PCGF6: variants seen among roughly 807,000 people sequenced by gnomAD.
PCGF6 encodes the protein polycomb group RING finger protein 6.
PCGF6 carries 24 observed loss-of-function variants against 45.5 expected under a neutral mutation model. The observed-to-expected ratio is 0.53, with a 90% CI of 0.38 to 0.74. The LOEUF is 0.74. PCGF6 is among the 30% of genes least tolerant of loss of function. The pLI is 0.00. For synonymous variants in PCGF6, 152 were observed against 162.1 expected, an observed-to-expected ratio of 0.94 and a Z score of 0.47; for missense variants, 356 against 443.2, an observed-to-expected ratio of 0.80 and a Z score of 1.77.
At chr10:103,342,024 C>T (rs1398893369) in intron 6 of PCGF6, among the ~76,000 whole-genome samples, 1 of 151,858 alleles carries the variant, frequency 6.6e-6, no homozygotes, top group African/African-American at 2.4e-5. Flanking sequence ...CAACGTCCAC[C>T]TCCCAATTCA....
intron 9 of PCGF6, among the ~76,000 whole-genome samples, chr10:103,309,708 T>C (rs370883260): frequency 3.3e-5 from 5 of 152,110 alleles, no homozygotes; most frequent in East Asian, 3.9e-4. Flanking sequence ...AGATGGCTGA[T>C]TGCTTGATCT....
intron 8 of PCGF6, among the ~76,000 whole-genome samples, chr10:103,317,050 G>A (rs1361746287): frequency 1.3e-5 from 2 of 151,872 alleles, no homozygotes; most frequent in Non-Finnish European, 2.9e-5. Context: ...TCACTCTGTC[G>A]CCCAGGCTGG....
chr10:103,344,904 GT>G, intron 6 of PCGF6, 119 bp downstream of exon 6: 2 of 660,480 alleles, frequency 3.0e-6, no homozygotes, highest in Non-Finnish European at 2.6e-6. Context: ...CTAATATTCA[GT>G]TATTTCATAA....
chr10:103,316,013 TA>T (rs2093174875), intron 8 of PCGF6, among the ~76,000 whole-genome samples: 1 of 119,502 alleles, frequency 8.4e-6, no homozygotes, highest in African/African-American at 3.2e-5. Flanking sequence ...TATATATATA[TA>T]GAGAGAGAGA....
intron 7 of PCGF6, among the ~76,000 whole-genome samples, chr10:103,330,341 C>T (rs1334873491): frequency 6.6e-6 from 1 of 152,052 alleles, no homozygotes; most frequent in Non-Finnish European, 1.5e-5. Context: ...TCCTAAAGTG[C>T]TGGGATTACA....
At chr10:103,322,056 C>T (rs1477035909) in intron 8 of PCGF6, among the ~76,000 whole-genome samples, 2 of 151,824 alleles carry the variant, frequency 1.3e-5, no homozygotes, top group African/African-American at 2.4e-5. Context: ...CCACCACACC[C>T]GGCTAATGTT....
At chr10:103,343,814 CAG>C (rs1265556855) in intron 6 of PCGF6, among the ~76,000 whole-genome samples, 2 of 107,704 alleles carry the variant, frequency 1.9e-5, no homozygotes, top group Non-Finnish European at 3.6e-5. Flanking sequence ...GCCTGGGCGA[CAG>C]AGTAAAACTC....
At chr10:103,332,659 C>T (rs1307542598) in intron 7 of PCGF6, among the ~76,000 whole-genome samples, 2 of 152,120 alleles carry the variant, frequency 1.3e-5, no homozygotes, top group Admixed American at 6.6e-5. Context: ...ATTAGACAGG[C>T]GTCTTCAGGG....
intron 6 of PCGF6, among the ~76,000 whole-genome samples, chr10:103,337,925 G>A (rs544782759): frequency 5.4e-5 from 6 of 110,544 alleles, no homozygotes; most frequent in Non-Finnish European, 9.7e-5. Flanking sequence ...TTAGCCGGGC[G>A]TAGTGGTGGG....
chr10:103,308,543 A>G (rs2093145523), intron 9 of PCGF6, among the ~76,000 whole-genome samples: 1 of 151,716 alleles, frequency 6.6e-6, no homozygotes, highest in Admixed American at 6.6e-5. Context: ...GGATTACAGT[A>G]GTGCACCACC....
chr10:103,339,806 AAAAAACAC>A lies in PCGF6; in HGVS notation c.782+5210_782+5217del, dbSNP rs1394328141. Among the ~76,000 whole-genome samples, 542 of 71,204 alleles carry A rather than the reference AAAAAACAC, an allele frequency of 7.6e-3. 16 individuals carry two copies. Among genetic ancestry groups the A allele is most frequent in the South Asian group, 0.013 (32 of 2,486 alleles). 46.7% of individuals were successfully genotyped at this position (71,204 alleles called of 152,430 possible). ...AAGCGAAATTCTGTCTGTCTCAAAA[AAAAAACAC>A]ACACACACACACACACACACACACA... On this transcript the variant is annotated intron_variant, in intron 6 of 9. Coordinates refer to ENST00000369847, the MANE Select transcript of PCGF6 (RefSeq NM_001011663.2).
At position 103,309,015 on chromosome 10, in the gene PCGF6, C is replaced by T. The variant is rs1338288079; in HGVS notation, c.997-5054G>A. ...GAGTTATTTGCCCAATGTTTATACCCCCATTGTATCTTGGAAGTAACTAAC... is the reference window on the plus strand; with the variant it reads ...GAGTTATTTGCCCAATGTTTATACCTCCATTGTATCTTGGAAGTAACTAAC... On this transcript the variant is annotated intron_variant, in intron 9 of 9. Coordinates refer to ENST00000369847, the MANE Select transcript of PCGF6 (RefSeq NM_001011663.2). 5.3e-5 allele frequency among the ~76,000 whole-genome samples: 8 copies of T among 152,224 alleles called. No individual in the cohort carries two copies. In the East Asian group the frequency reaches 1.5e-3, roughly 29 times the overall value.
chr10:103,322,900 A>AC (rs1158737018), intron 8 of PCGF6, among the ~76,000 whole-genome samples: 166 of 151,678 alleles, frequency 1.1e-3, no homozygotes, highest in Middle Eastern at 3.4e-3. Context: ...AAAAAACAAA[A>AC]AACAAAAAAA....
intron 8 of PCGF6, among the ~76,000 whole-genome samples, chr10:103,319,823 T>C (rs571323268): frequency 7.2e-5 from 11 of 152,290 alleles, no homozygotes; most frequent in Non-Finnish European, 1.5e-4. Context: ...CCTAACTTTT[T>C]TGAGATGGAG....
chr10:103,309,201 G>A (rs1200813035), intron 9 of PCGF6, among the ~76,000 whole-genome samples: 1 of 151,922 alleles, frequency 6.6e-6, no homozygotes, highest in Non-Finnish European at 1.5e-5. Flanking sequence ...TTTGGTGGGG[G>A]GGGGGCATGA....
chr10:103,343,223 C>T (rs1441547036), intron 6 of PCGF6, among the ~76,000 whole-genome samples: 2 of 151,736 alleles, frequency 1.3e-5, no homozygotes, highest in African/African-American at 2.4e-5. Flanking sequence ...CCACCGCGCC[C>T]GGCCTTAGGG....
At position 103,327,129 on chromosome 10, in the gene PCGF6, A is replaced by G. The variant is rs141329235; in HGVS notation, c.811-497T>C. Among the ~76,000 whole-genome samples, 176 of 152,242 alleles carry G rather than the reference A, an allele frequency of 1.2e-3. 6 individuals are homozygous for G. In the East Asian group the frequency reaches 0.031, roughly 27 times the overall value. Reference sequence around the variant, plus strand: ...TGGAGAAACCCCGTCTCTACTAAAAATACAAATTAGCTGGGCAAGGTGGCA... The same window carrying G: ...TGGAGAAACCCCGTCTCTACTAAAAGTACAAATTAGCTGGGCAAGGTGGCA... On this transcript the variant is annotated intron_variant, in intron 7 of 9. Transcript: ENST00000369847.
Position 103,339,809 on chromosome 10 carries a change from AAAC to A in PCGF6, c.782+5212_782+5214del, listed in dbSNP as rs1317754806. ...CGAAATTCTGTCTGTCTCAAAAAAA[AAAC>A]ACACACACACACACACACACACACA... On this transcript the variant is annotated intron_variant, in intron 6 of 9. Coordinates refer to ENST00000369847, the MANE Select transcript of PCGF6 (RefSeq NM_001011663.2). Among the ~76,000 whole-genome samples, 232 of 38,688 alleles carry A rather than the reference AAAC, an allele frequency of 6.0e-3. 12 individuals are homozygous for A. The highest frequency in any genetic ancestry group is 0.019 in the East Asian group (21 of 1,086). 25.4% of individuals were successfully genotyped at this position (38,688 alleles called of 152,430 possible).
intron 7 of PCGF6, among the ~76,000 whole-genome samples, chr10:103,332,329 G>C (rs374430014): frequency 6.6e-6 from 1 of 152,146 alleles, no homozygotes; most frequent in African/African-American, 2.4e-5. Context: ...ACCTAGGCTA[G>C]AGTGTAGTGA....
Sources: gnomAD v4.1 joint callset for allele counts (sites outside exome capture counted in the v4.1 genomes callset) on GRCh38, gnomAD v4.1.1 for gene constraint, MANE v1.5 for transcripts, NCBI Gene and HGNC (gene_info 2026-07-23, HGNC 2026-07-21) for gene names.